The following NDE1 variants were observed in gnomAD, a reference collection of about 807,000 sequenced individuals.
NDE1 encodes nuclear distribution protein nudE homolog 1.
In NDE1, 28 loss-of-function variants were observed where a neutral mutation model predicts 43.4. The observed-to-expected ratio is 0.65, with a 90% confidence interval of 0.48 to 0.89. The LOEUF (loss-of-function observed/expected upper bound fraction) is 0.89. Among genes scored for constraint, NDE1 ranks in the 40% least tolerant of loss-of-function variants. The pLI, the probability that NDE1 is intolerant of heterozygous loss-of-function variation, is 0.00. For missense variants in NDE1, 441 were observed against 434.1 expected (o/e 1.02, Z -0.14); for synonymous variants, 184 against 172.0 (o/e 1.07, Z -0.55).
Position 15,718,358 on chromosome 16 carries a change from T to A in NDE1, c.948-5833T>A, listed in dbSNP as rs149245873. On this transcript the variant is annotated intron_variant, in intron 8 of 8. Transcript: ENST00000396354. ...GACCCGGTCGCTCATGGCCTCCATG[T>A]TGCCCTGCTCCTCCTCCAGCTCCTC... 6.2e-7 allele frequency: 1 copy of A among 1,608,666 alleles called. No homozygotes were observed. The highest frequency in any genetic ancestry group is 8.5e-7 in the Non-Finnish European group (1 of 1,179,666).
chr16:15,687,471 T>G lies in NDE1; in HGVS notation c.483T>G (p.Asn161Lys), dbSNP rs1370503017. The G allele has an allele frequency of 6.2e-7, 1 of 1,614,010 alleles. No individual in the cohort carries two copies. Among genetic ancestry groups the G allele is most frequent in the East Asian group, 2.2e-5 (1 of 44,890 alleles). Residue 161 changes from asparagine to lysine, a missense_variant, in exon 5 of 9, where the codon AAT becomes AAG. Coordinates refer to ENST00000396354, the MANE Select transcript of NDE1 (RefSeq NM_017668.3). ...AAAGTGAACTTGATGAAAAAGAGAA[T>G]CTCCTGGAATCTGTTCAGAGACTGA... ...FLESELDEKE[N>K]LLESVQRLKD...
At chr16:15,660,716 C>T (rs115289711) in intron 1 of NDE1, among the ~76,000 whole-genome samples, 1,562 of 152,234 alleles carry the variant, frequency 0.01, 34 homozygotes, top group African/African-American at 0.034. Context: ...GACCGACTTT[C>T]GCTCAGCCTT....
At chr16:15,706,374 A>G (rs1852273741) in intron 8 of NDE1, among the ~76,000 whole-genome samples, 1 of 152,034 alleles carries the variant, frequency 6.6e-6, no homozygotes, top group Non-Finnish European at 1.5e-5. Context: ...CGCTCCCCAC[A>G]CAGCTCTCTT....
At chr16:15,711,780 T>G (rs2039811799) in intron 8 of NDE1, among the ~76,000 whole-genome samples, 2 of 152,046 alleles carry the variant, frequency 1.3e-5, no homozygotes, top group African/African-American at 4.8e-5. Flanking sequence ...GTAACCTGTG[T>G]CTCCCAGGTT....
At position 15,695,701 on chromosome 16, in the gene NDE1, A is replaced by T. The variant is rs1044384387; in HGVS notation, c.796-1008A>T. ...TGTACACAGTGTATTTGTAGCTACA[A>T]CTTAATAGAAGCTTGCAACTCATTT... On this transcript the variant is annotated intron_variant, in intron 7 of 8. Coordinates refer to ENST00000396354, the MANE Select transcript of NDE1 (RefSeq NM_017668.3). The T allele has an allele frequency of 1.6e-5, 16 of 985,144 alleles. No individual in the cohort carries two copies. The African/African-American group carries it at 2.8e-4, about 17-fold the overall frequency. 61.0% of individuals were successfully genotyped at this position (985,144 alleles called of 1,614,324 possible).
intron 3 of NDE1, among the ~76,000 whole-genome samples, chr16:15,675,943 C>T (rs1376518235): frequency 3.3e-5 from 5 of 152,128 alleles, no homozygotes; most frequent in Admixed American, 1.3e-4. Flanking sequence ...GTGTTCATGT[C>T]TCCAAAGTGG....
chr16:15,696,673 C>A (rs764966525), intron 7 of NDE1, 36 bp from the exon 8 acceptor site: 1 of 1,613,970 alleles, frequency 6.2e-7, no homozygotes, highest in Non-Finnish European at 8.5e-7. Context: ...TAGTCCTTGC[C>A]TATAACTTGA....
At chr16:15,691,386 G>A (rs2038746269) in intron 6 of NDE1, 63 bp downstream of exon 6, 3 of 1,560,188 alleles carry the variant, frequency 1.9e-6, no homozygotes, top group Admixed American at 1.9e-5. Flanking sequence ...TAAGAATCTG[G>A]GGTGGGTCCT....
chr16:15,666,291 A>G (rs2037303052), intron 2 of NDE1, among the ~76,000 whole-genome samples: 1 of 152,060 alleles, frequency 6.6e-6, no homozygotes, highest in South Asian at 2.1e-4. Context: ...TAGAGGCCTT[A>G]TTCCAGTCCC....
chr16:15,664,953 A>C (rs976179866), intron 2 of NDE1, 92 bp downstream of exon 2: 1 of 991,000 alleles, frequency 1.0e-6, no homozygotes. Context: ...GGCTGTTCCT[A>C]GGCGTGATCA....
In NDE1 at chr16:15,687,500, A is replaced by C. The variant is rs756470587; in HGVS notation, c.512A>C (p.Asp171Ala). Residue 171 changes from aspartate (D) to alanine (A), a missense_variant, in exon 5 of 9, where the codon GAT becomes GCT. Asp to Ala is a moderately radical substitution (Grantham distance 126, BLOSUM62 -2). Coordinates refer to ENST00000396354, the MANE Select transcript of NDE1 (RefSeq NM_017668.3). ...NLLESVQRLK[D>A]EARDLRQELA... Reference sequence around the variant, plus strand: ...CTGGAATCTGTTCAGAGACTGAAGGATGAAGCCAGAGGTCAGGAGGCCTTG... The same window carrying C: ...CTGGAATCTGTTCAGAGACTGAAGGCTGAAGCCAGAGGTCAGGAGGCCTTG... The C allele has an allele frequency of 1.2e-6, 2 of 1,613,956 alleles. No individual in the cohort carries two copies. Among genetic ancestry groups the C allele is most frequent in the Non-Finnish European group, 1.7e-6 (2 of 1,180,010 alleles).
chr16:15,685,160 T>C (rs568391149), intron 4 of NDE1, among the ~76,000 whole-genome samples: 1 of 152,362 alleles, frequency 6.6e-6, no homozygotes, highest in African/African-American at 2.4e-5. Flanking sequence ...ATTATGTGAA[T>C]ATTTTATCTT....
chr16:15,659,949 A>G (rs1360868066), intron 1 of NDE1, among the ~76,000 whole-genome samples: 1 of 149,996 alleles, frequency 6.7e-6, no homozygotes, highest in Admixed American at 6.7e-5. Flanking sequence ...GGGTTTCACC[A>G]TATTGGCCAG....
chr16:15,721,404 C>T, intron 8 of NDE1: 12 of 1,613,938 alleles, frequency 7.4e-6, no homozygotes, highest in Non-Finnish European at 1.0e-5. Flanking sequence ...ACGAGAAAAA[C>T]CACCCAGAGC....
rs2040695557 is a variant in NDE1, at chr16:15,725,210, T to C, written c.*959T>C. ...TGAAGGGAACTCCGTCACCTATGAG[T>C]TGGGACCCTGGCCCTAGACTCTGTG... On this transcript the variant is annotated 3_prime_UTR_variant, in exon 9 of 9. Coordinates refer to ENST00000396354, the MANE Select transcript of NDE1 (RefSeq NM_017668.3). 1 of 613,158 alleles carries C rather than the reference T, an allele frequency of 1.6e-6. No homozygotes were observed. The highest frequency in any genetic ancestry group is 2.7e-5 in the East Asian group (1 of 36,538). The allele number at this position is 613,158 out of a possible 1,614,324, so 38.0% of individuals were successfully genotyped here.
At chr16:15,664,442 CA>C (rs2037199911) in intron 1 of NDE1, among the ~76,000 whole-genome samples, 1 of 152,056 alleles carries the variant, frequency 6.6e-6, no homozygotes. Flanking sequence ...CTGCAAGCTC[CA>C]CCTCCTGAGT....
chr16:15,663,241 C>CTT (rs35559905), intron 1 of NDE1, among the ~76,000 whole-genome samples: 9 of 140,470 alleles, frequency 6.4e-5, no homozygotes, highest in African/African-American at 7.8e-5. Flanking sequence ...CTTTCATATT[C>CTT]TTTTTTTTTT....
intron 4 of NDE1, among the ~76,000 whole-genome samples, chr16:15,681,482 C>T (rs1173882632): frequency 6.6e-6 from 1 of 151,596 alleles, no homozygotes; most frequent in African/African-American, 2.4e-5. Flanking sequence ...CTAGGCTGGT[C>T]TCAAAGTCCT....
chr16:15,725,494 T>G lies in NDE1; in HGVS notation c.*1243T>G. 2.3e-6 allele frequency: 1 copy of G among 428,304 alleles called. No individual in the cohort carries two copies. The allele number at this position is 428,304 out of a possible 1,614,324, so 26.5% of individuals were successfully genotyped here. A position where few individuals can be genotyped will look rare whatever the true frequency, so the allele number is the denominator to read the frequency against. On this transcript the variant is annotated 3_prime_UTR_variant, in exon 9 of 9. Coordinates refer to ENST00000396354, the MANE Select transcript of NDE1 (RefSeq NM_017668.3). ...TGGCCAAAGCCAGAGACGCAGGCCCTAAAGGTAAAAACGTCCTCTCTGTAT... is the reference window on the plus strand; with the variant it reads ...TGGCCAAAGCCAGAGACGCAGGCCCGAAAGGTAAAAACGTCCTCTCTGTAT...
Sources: gnomAD v4.1 joint callset for allele counts (sites outside exome capture counted in the v4.1 genomes callset) on GRCh38, gnomAD v4.1.1 for gene constraint, MANE v1.5 for transcripts, NCBI Gene and HGNC (gene_info 2026-07-23, HGNC 2026-07-21) for gene names.